BDH1: variants seen among roughly 807,000 people sequenced by gnomAD.
BDH1 encodes D-beta-hydroxybutyrate dehydrogenase, mitochondrial.
In BDH1, 30 loss-of-function variants were observed where a neutral mutation model predicts 33.1. That is an observed-to-expected ratio of 0.91 (90% confidence interval 0.68 to 1.23). The LOEUF (loss-of-function observed/expected upper bound fraction) is 1.23, where lower values mean the gene tolerates loss of function less well. Among genes scored for constraint, BDH1 ranks in the 50% most tolerant of loss-of-function variants. The pLI is 0.00. For missense variants in BDH1, 443 were observed against 464.4 expected (o/e 0.95, Z 0.42); for synonymous variants, 190 against 183.6 (o/e 1.03, Z -0.28).
chr3:197,556,835 T>C (rs1364311875), upstream of BDH1, among the ~76,000 whole-genome samples: 1 of 152,112 alleles, frequency 6.6e-6, no homozygotes, highest in East Asian at 1.9e-4. Flanking sequence ...CACACCTCAG[T>C]TTCCAGGATG....
chr3:197,532,885 C>CT (rs1560321834), intron 4 of BDH1, among the ~76,000 whole-genome samples: 3 of 152,116 alleles, frequency 2.0e-5, no homozygotes, highest in South Asian at 2.1e-4. Flanking sequence ...AACTCTTCTT[C>CT]TTTTTTTTGA....
Position 197,522,543 on chromosome 3 carries a change from G to A in BDH1, c.409+97C>T. ...GAGCCTAAACAATAAGGAAGGGAGT[G>A]TGGTGGCAGGATGCCAGCCAGTGGA... On this transcript the variant is annotated intron_variant, in intron 6 of 7. Coordinates refer to ENST00000392379, the MANE Select transcript of BDH1 (RefSeq NM_203314.3). The surrounding 1 kb of genome is among the most constrained non-coding windows in gnomAD (Gnocchi z 4.8). 1 of 1,484,166 alleles carries A rather than the reference G, an allele frequency of 6.7e-7. No individual in the cohort carries two copies. The highest frequency in any genetic ancestry group is 9.3e-7 in the Non-Finnish European group (1 of 1,080,700). 91.9% of individuals were successfully genotyped at this position (1,484,166 alleles called of 1,614,324 possible). A position where few individuals can be genotyped will look rare whatever the true frequency, so the allele number is the denominator to read the frequency against.
intron 1 of BDH1, among the ~76,000 whole-genome samples, chr3:197,565,573 T>C: frequency 6.6e-6 from 1 of 152,318 alleles, no homozygotes. Flanking sequence ...TATATAAATA[T>C]GTTATTGGTA....
rs1054982663 is a variant in BDH1, at chr3:197,526,531, G to A, written c.268-3750C>T. Among the ~76,000 whole-genome samples the A allele has an allele frequency of 1.3e-5, 2 of 152,172 alleles. No individual in the cohort carries two copies. The highest frequency in any genetic ancestry group is 2.9e-5 in the Non-Finnish European group (2 of 68,022). ...GAGACCTCCGACTGCCACTCCAGAC[G>A]CAGGGCAGCGTGCCTCCCCCAGCCG... On this transcript the variant is annotated intron_variant, in intron 5 of 7. Coordinates refer to ENST00000392379, the MANE Select transcript of BDH1 (RefSeq NM_203314.3). The surrounding 1 kb of genome is among the most constrained non-coding windows in gnomAD (Gnocchi z 4.7).
intron 3 of BDH1, among the ~76,000 whole-genome samples, chr3:197,542,154 C>T (rs1715687846): frequency 1.3e-5 from 2 of 152,196 alleles, no homozygotes; most frequent in South Asian, 4.1e-4. Flanking sequence ...AGGTGAAGGA[C>T]TATCACAGTA....
intron 2 of BDH1, among the ~76,000 whole-genome samples, chr3:197,552,974 G>A (rs567862804): frequency 6.6e-6 from 1 of 152,220 alleles, no homozygotes; most frequent in African/African-American, 2.4e-5. Context: ...CTGGAGTGCA[G>A]GGGTGCAATC....
At chr3:197,557,328 G>T (rs1023322416), upstream of BDH1, among the ~76,000 whole-genome samples, 1 of 152,220 alleles carries the variant, frequency 6.6e-6, no homozygotes, top group African/African-American at 2.4e-5. The surrounding 1 kb of genome is among the most constrained non-coding windows in gnomAD (Gnocchi z 4.6). Flanking sequence ...GATTTTGGGG[G>T]TTCACAACTA....
At chr3:197,529,541 CA>C in intron 5 of BDH1, 1 of 152,302 alleles carries the variant, frequency 6.6e-6, no homozygotes, top group East Asian at 1.9e-4. Flanking sequence ...TAGCAAAACT[CA>C]CAAATAATGT....
At chr3:197,566,256 A>G (rs1279991761) in intron 1 of BDH1, among the ~76,000 whole-genome samples, 1 of 152,232 alleles carries the variant, frequency 6.6e-6, no homozygotes, top group African/African-American at 2.4e-5. Flanking sequence ...TTTGACTGGA[A>G]TGGTGTGCTT....
intron 2 of BDH1, among the ~76,000 whole-genome samples, chr3:197,551,486 A>C (rs988203597): frequency 6.6e-6 from 1 of 152,202 alleles, no homozygotes; most frequent in Non-Finnish European, 1.5e-5. Context: ...ATGGACAGTT[A>C]GGTTGCTTCC....
chr3:197,546,349 C>T lies in BDH1; in HGVS notation c.83+12G>A. 6.2e-7 allele frequency: 1 copy of T among 1,614,078 alleles called. No homozygotes were observed. Among genetic ancestry groups the T allele is most frequent in the South Asian group, 1.1e-5 (1 of 91,080 alleles). The stretch of plus-strand genomic sequence containing the variant: ...TGTCCCCTCAAGGCCACCACCACCT[C>T]TGGTTGCTTACCTTGCTCCATTTTC... On this transcript the variant is annotated intron_variant, in intron 3 of 7. Coordinates refer to ENST00000392379, the MANE Select transcript of BDH1 (RefSeq NM_203314.3).
In BDH1 at chr3:197,525,575, G is replaced by C. The variant is rs957693727; in HGVS notation, c.268-2794C>G. ...TCACTGCCCACGGCTTCAGGCTCCC[G>C]AGGAGAGCAACGCTACCCTCCTATC... On this transcript the variant is annotated intron_variant, in intron 5 of 7. Transcript: ENST00000392379. The surrounding 1 kb of genome is among the most constrained non-coding windows in gnomAD (Gnocchi z 4.9). Among the ~76,000 whole-genome samples the C allele has an allele frequency of 6.6e-6, 1 of 152,150 alleles. No individual in the cohort carries two copies. The highest frequency in any genetic ancestry group is 1.5e-5 in the Non-Finnish European group (1 of 68,032).
chr3:197,512,479 C>A (rs776226119), intron 7 of BDH1, 115 bp from the exon 8 acceptor site: 58 of 1,136,656 alleles, frequency 5.1e-5, no homozygotes, highest in Non-Finnish European at 6.3e-5. Flanking sequence ...CACCCAGGAG[C>A]CTTCTCAGTC....
Position 197,510,045 on chromosome 3 carries a change from A to G in BDH1, c.*1850T>C, listed in dbSNP as rs1393654151. The G allele has an allele frequency of 6.6e-6, 1 of 152,228 alleles. No individual in the cohort carries two copies. Among genetic ancestry groups the G allele is most frequent in the Non-Finnish European group, 1.5e-5 (1 of 68,074 alleles). 9.4% of individuals were successfully genotyped at this position (152,228 alleles called of 1,614,324 possible). A position where few individuals can be genotyped will look rare whatever the true frequency, so the allele number is the denominator to read the frequency against. Reference sequence around the variant, plus strand: ...GGGACAACGGCCCGGGAGGCAGCTGAATTGCCCATTGTGAGGCCCTTCTTC... The same window carrying G: ...GGGACAACGGCCCGGGAGGCAGCTGGATTGCCCATTGTGAGGCCCTTCTTC... On this transcript the variant is annotated 3_prime_UTR_variant, in exon 8 of 8. Coordinates refer to ENST00000392379, the MANE Select transcript of BDH1 (RefSeq NM_203314.3).
intron 3 of BDH1, chr3:197,542,983 A>G (rs1199024352): frequency 2.0e-6 from 2 of 985,258 alleles, no homozygotes; most frequent in Non-Finnish European, 2.4e-6. Flanking sequence ...TGCTGTCCTC[A>G]GCGCCCTGGT....
Position 197,514,152 on chromosome 3 carries a change from C to A in BDH1, c.562+112G>T. 7.2e-7 allele frequency: 1 copy of A among 1,385,588 alleles called. No individual in the cohort carries two copies. Among genetic ancestry groups the A allele is most frequent in the Non-Finnish European group, 9.7e-7 (1 of 1,035,092 alleles). 85.8% of individuals were successfully genotyped at this position (1,385,588 alleles called of 1,614,324 possible). On this transcript the variant is annotated intron_variant, in intron 7 of 7. Coordinates refer to ENST00000392379, the MANE Select transcript of BDH1 (RefSeq NM_203314.3). This position sits in a 1 kb window ranked among gnomAD's most constrained non-coding sequence, Gnocchi z 4.2. ...ATAGTCCCTGGGATTCACGAGCTCACCTCTGCTGAGTTGTGGACATTGGAG... is the reference window on the plus strand; with the variant it reads ...ATAGTCCCTGGGATTCACGAGCTCAACTCTGCTGAGTTGTGGACATTGGAG...
intron 4 of BDH1, among the ~76,000 whole-genome samples, chr3:197,532,877 CTCT>C (rs1420633256): frequency 1.3e-5 from 2 of 152,136 alleles, no homozygotes; most frequent in African/African-American, 4.8e-5. Context: ...AGAGTCTAAA[CTCT>C]TCTTCTTTTT....
intron 3 of BDH1, chr3:197,543,224 A>T: frequency 2.1e-6 from 2 of 972,372 alleles, no homozygotes; most frequent in Non-Finnish European, 2.4e-6. Flanking sequence ...CTCGGGAGAA[A>T]TATGGCCTCA....
chr3:197,567,342 G>A (rs1580021270), intron 1 of BDH1, among the ~76,000 whole-genome samples: 2 of 152,168 alleles, frequency 1.3e-5, no homozygotes, highest in African/African-American at 4.8e-5. Flanking sequence ...GGGCCAACCT[G>A]CCTCCCGTTC....
Sources: gnomAD v4.1 joint callset for allele counts (sites outside exome capture counted in the v4.1 genomes callset) on GRCh38, gnomAD v4.1.1 for gene constraint, Gnocchi (gnomAD v3.1) non-coding constraint, MANE v1.5 for transcripts, NCBI Gene and HGNC (gene_info 2026-07-23, HGNC 2026-07-21) for gene names.